ALK: variants seen among roughly 807,000 people sequenced by gnomAD.
ALK encodes ALK receptor tyrosine kinase.
Under a neutral mutation model 163.1 loss-of-function variants are expected in ALK, and 74 were observed. The ratio of observed to expected loss-of-function variants is 0.45; its 90% CI spans 0.38 to 0.55. The LOEUF is 0.55. Among genes scored for constraint, ALK ranks in the 20% least tolerant of loss-of-function variants. The pLI, the probability that ALK is intolerant of heterozygous loss-of-function variation, is 0.00. For missense variants in ALK, 2,063 were observed against 2,105.3 expected (o/e 0.98, Z 0.39); for synonymous variants, 960 against 843.2 (o/e 1.14, Z -2.40).
At chr2:29,616,742 C>A (rs765836848) in intron 3 of ALK, among the ~76,000 whole-genome samples, 1 of 152,118 alleles carries the variant, frequency 6.6e-6, no homozygotes, top group Non-Finnish European at 1.5e-5. Flanking sequence ...AGACAGAGGA[C>A]TGGCCTTATA....
intron 4 of ALK, among the ~76,000 whole-genome samples, chr2:29,452,664 A>G (rs923104613): frequency 2.6e-5 from 4 of 152,220 alleles, no homozygotes; most frequent in Non-Finnish European, 5.9e-5. Context: ...TGGAGAAAAC[A>G]GAAACTTTAG....
chr2:29,568,995 CT>C (rs1335112774), intron 3 of ALK, among the ~76,000 whole-genome samples: 1 of 152,144 alleles, frequency 6.6e-6, no homozygotes, highest in Non-Finnish European at 1.5e-5. Context: ...ATGAGTCTTT[CT>C]TTTCAGACCT....
At chr2:29,659,475 G>T (rs886975344) in intron 3 of ALK, among the ~76,000 whole-genome samples, 1 of 152,056 alleles carries the variant, frequency 6.6e-6, no homozygotes, top group Non-Finnish European at 1.5e-5. Context: ...TTCTCAACTG[G>T]TCACAAAACC....
intron 8 of ALK, among the ~76,000 whole-genome samples, chr2:29,310,675 C>T (rs1347990743): frequency 6.6e-6 from 1 of 152,242 alleles, no homozygotes; most frequent in Non-Finnish European, 1.5e-5. Context: ...GGTTTGAAAT[C>T]AATACTTGCT....
At chr2:29,834,335 GC>G (rs1265812957) in intron 1 of ALK, among the ~76,000 whole-genome samples, 5 of 152,158 alleles carry the variant, frequency 3.3e-5, no homozygotes, top group African/African-American at 1.2e-4. Flanking sequence ...GGTTTTGTGG[GC>G]TTGACACAAT....
At chr2:29,275,259 A>C in intron 10 of ALK, 32 bp from the exon 11 acceptor site, 1 of 1,613,914 alleles carries the variant, frequency 6.2e-7, no homozygotes, top group Non-Finnish European at 8.5e-7. Flanking sequence ...GGGCTGAGTT[A>C]GGTGAGGGTT....
chr2:29,813,645 C>T (rs749279094), intron 1 of ALK, among the ~76,000 whole-genome samples: 2 of 152,170 alleles, frequency 1.3e-5, no homozygotes, highest in Admixed American at 6.5e-5. Context: ...GAGGCCCTGC[C>T]TTGCACAAAT....
At chr2:29,854,254 T>C (rs1666082824) in intron 1 of ALK, among the ~76,000 whole-genome samples, 8 of 152,198 alleles carry the variant, frequency 5.3e-5, no homozygotes. Context: ...TGATATCATT[T>C]GGATGTTTGT....
rs114410479 is a variant in ALK at position 29,795,820 on chromosome 2, T to C, written c.668-78123A>G. On this transcript the variant is annotated intron_variant, in intron 1 of 28. Transcript: ENST00000389048. The stretch of plus-strand genomic sequence containing the variant: ...AGTATTATGAACAATTAATTTCTTC[T>C]TTTTCAATTATTTGAAAAATAATTA... 5.1e-3 allele frequency among the ~76,000 whole-genome samples: 775 copies of C among 152,318 alleles called. 6 individuals are homozygous for C. The highest frequency in any genetic ancestry group is 0.018 in the African/African-American group (740 of 41,574).
At position 29,481,860 on chromosome 2, in the gene ALK, C is replaced by G. The variant is rs144555011; in HGVS notation, c.1154+50055G>C. ...AAGAGGGTCAAGGTGATATTTAAAA[C>G]TCAGCAACAGAATGACTTTCTGTTT... On this transcript the variant is annotated intron_variant, in intron 4 of 28. Coordinates refer to ENST00000389048, the MANE Select transcript of ALK (RefSeq NM_004304.5). 7.8e-3 allele frequency among the ~76,000 whole-genome samples: 1,181 copies of G among 152,286 alleles called. 12 individuals are homozygous for G. Among genetic ancestry groups the G allele is most frequent in the African/African-American group, 0.027 (1,112 of 41,554 alleles).
At chr2:29,722,070 T>C (rs1304609335) in intron 1 of ALK, among the ~76,000 whole-genome samples, 1 of 152,240 alleles carries the variant, frequency 6.6e-6, no homozygotes, top group Admixed American at 6.5e-5. Flanking sequence ...CCCTGCTTCT[T>C]GGATTTTTCA....
intron 4 of ALK, among the ~76,000 whole-genome samples, chr2:29,430,895 A>G (rs1670256915): frequency 6.6e-6 from 1 of 152,228 alleles, no homozygotes; most frequent in Non-Finnish European, 1.5e-5. Flanking sequence ...ACAGCCGAGC[A>G]AGAGCAAGCC....
At chr2:29,230,309 A>G (rs921340760) in intron 15 of ALK, among the ~76,000 whole-genome samples, 9 of 141,048 alleles carry the variant, frequency 6.4e-5, no homozygotes, top group Non-Finnish European at 1.4e-4. Context: ...TTTTTTGAGT[A>G]TTTTTGATCT....
intron 4 of ALK, among the ~76,000 whole-genome samples, chr2:29,447,391 T>C (rs1670712311): frequency 6.6e-6 from 1 of 152,166 alleles, no homozygotes; most frequent in Admixed American, 6.5e-5. Context: ...AGAACAGGCC[T>C]ACTGGCATGT....
In ALK at chr2:29,224,070, T is replaced by C. The variant is rs566967950; in HGVS notation, c.3173-542A>G. ...AGAGGAGTCCCATGACTCCCAGGAA[T>C]TGGCCTGCCTTAGTATTTCTGCTGT... On this transcript the variant is annotated intron_variant, in intron 19 of 28. Coordinates refer to ENST00000389048, the MANE Select transcript of ALK (RefSeq NM_004304.5). 5.9e-5 allele frequency among the ~76,000 whole-genome samples: 9 copies of C among 152,290 alleles called. No homozygotes were observed. In the South Asian group the frequency reaches 6.2e-4, roughly 11 times the overall value.
At chr2:29,691,530 A>T (rs1277988448) in intron 3 of ALK, among the ~76,000 whole-genome samples, 1 of 152,236 alleles carries the variant, frequency 6.6e-6, no homozygotes, top group Non-Finnish European at 1.5e-5. Flanking sequence ...ACTTTAAAAA[A>T]AACAGATATT....
At chr2:29,505,904 G>A (rs1425894452) in intron 4 of ALK, among the ~76,000 whole-genome samples, 1 of 151,718 alleles carries the variant, frequency 6.6e-6, no homozygotes, top group Non-Finnish European at 1.5e-5. Context: ...CTGACATAAT[G>A]TAAGTGGCTG....
At chr2:29,229,267 G>A (rs1462551753) in intron 15 of ALK, among the ~76,000 whole-genome samples, 1 of 152,126 alleles carries the variant, frequency 6.6e-6, no homozygotes, top group African/African-American at 2.4e-5. Context: ...GACCTGTTTG[G>A]CCACAGCTGA....
At chr2:29,639,880 G>T (rs1036210966) in intron 3 of ALK, among the ~76,000 whole-genome samples, 41 of 152,148 alleles carry the variant, frequency 2.7e-4, no homozygotes, top group East Asian at 1.9e-4. Context: ...CAGGTCCAGG[G>T]TTTGCATGAT....
Sources: allele counts gnomAD v4.1 joint callset (sites outside exome capture counted in the v4.1 genomes callset), GRCh38; gene constraint gnomAD v4.1.1; transcripts MANE v1.5; gene names NCBI Gene and HGNC (gene_info 2026-07-23, HGNC 2026-07-21).